SLC32A1: variants seen among roughly 807,000 people sequenced by gnomAD.
SLC32A1 encodes solute carrier family 32 member 1.
In SLC32A1, 8 loss-of-function variants were observed where a neutral mutation model predicts 35.5. The ratio of observed to expected loss-of-function variants is 0.23; its 90% CI spans 0.13 to 0.41. The LOEUF (loss-of-function observed/expected upper bound fraction) is 0.41, where lower values mean the gene tolerates loss of function less well. SLC32A1 is among the 10% of genes least tolerant of loss of function. The probability of loss-of-function intolerance (pLI) is 1.00; values close to 1 mark genes in which losing one functional copy is unlikely to be tolerated. For missense variants in SLC32A1, 493 were observed against 722.3 expected (o/e 0.68, Z 3.64); for synonymous variants, 317 against 326.3 (o/e 0.97, Z 0.31).
chr20:38,727,347 C>T, intron 1 of SLC32A1, 105 bp from the exon 2 acceptor site: 4 of 1,109,914 alleles, frequency 3.6e-6, no homozygotes, highest in Non-Finnish European at 5.2e-6. Context: ...TCTCAGTGTC[C>T]TTAGCGCCCC....
rs746056178 is a variant in SLC32A1, at chr20:38,727,646, C to T, written c.585C>T (p.Ala195=). 18 of 1,613,988 alleles carry T rather than the reference C, an allele frequency of 1.1e-5. No individual in the cohort carries two copies. The highest frequency in any genetic ancestry group is 1.4e-5 in the Non-Finnish European group (17 of 1,180,050). ...TGGCCATAGCCAACGCCTGCTGCGCCCCGCGCTTCCCAACGCTGGGCGGCC... is the reference window on the plus strand; with the variant it reads ...TGGCCATAGCCAACGCCTGCTGCGCTCCGCGCTTCCCAACGCTGGGCGGCC... ...SYVAIANACC[A]PRFPTLGGRV... Residue 195 remains alanine, a synonymous_variant, in exon 2 of 2, where the codon GCC becomes GCT. Transcript: ENST00000217420.
chr20:38,727,168 C>T (rs553428571), intron 1 of SLC32A1, among the ~76,000 whole-genome samples: 1 of 152,302 alleles, frequency 6.6e-6, no homozygotes, highest in East Asian at 1.9e-4. Flanking sequence ...CCCTCTCCCA[C>T]CCTAGCCCTC....
At chr20:38,727,260 C>T (rs1275233842) in intron 1 of SLC32A1, among the ~76,000 whole-genome samples, 192 bp from the exon 2 acceptor site, 2 of 152,128 alleles carry the variant, frequency 1.3e-5, no homozygotes, top group Non-Finnish European at 1.5e-5. Context: ...GCTCGACACC[C>T]GGGCTCACTA....
Position 38,728,339 on chromosome 20 carries a change from G to A in SLC32A1, c.1278G>A (p.Gly426=), listed in dbSNP as rs905290493. The change falls in exon 2 of 2, where the codon GGG becomes GGA. Residue 426 remains glycine, a synonymous_variant. Transcript: ENST00000217420. Reference sequence around the variant, plus strand: ...TCCCGGCCTGCTACAGCGGCGACGGGCGCCTGAAGTCCTGGGGGCTGACGC... The same window carrying A: ...TCCCGGCCTGCTACAGCGGCGACGGACGCCTGAAGTCCTGGGGGCTGACGC... ...AFFPACYSGD[G]RLKSWGLTLR... The A allele has an allele frequency of 2.5e-6, 4 of 1,613,014 alleles. No individual in the cohort carries two copies. Among genetic ancestry groups the A allele is most frequent in the Admixed American group, 3.3e-5 (2 of 59,986 alleles).
At chr20:38,725,965 C>A (rs1258766516) in intron 1 of SLC32A1, among the ~76,000 whole-genome samples, 2 of 152,210 alleles carry the variant, frequency 1.3e-5, no homozygotes, top group African/African-American at 4.8e-5. Context: ...AAAGAGGCGG[C>A]CAGCTCCTCC....
At chr20:38,725,255 A>C in intron 1 of SLC32A1, 141 bp downstream of exon 1, 1 of 1,120,038 alleles carries the variant, frequency 8.9e-7, no homozygotes. Flanking sequence ...CATCCCTCCC[A>C]GCCCTGCGCG....
intron 1 of SLC32A1, among the ~76,000 whole-genome samples, chr20:38,725,766 C>T (rs575611328): frequency 6.6e-6 from 1 of 152,364 alleles, no homozygotes; most frequent in East Asian, 1.9e-4. Flanking sequence ...AACATATGCA[C>T]ACACACATGC....
In SLC32A1 at chr20:38,724,920, G is replaced by A. The variant is rs2084268847; in HGVS notation, c.196G>A (p.Glu66Lys). 1 of 1,613,694 alleles carries A rather than the reference G, an allele frequency of 6.2e-7. No individual in the cohort carries two copies. The highest frequency in any genetic ancestry group is 8.5e-7 in the Non-Finnish European group (1 of 1,179,828). The change falls in exon 1 of 2, where the codon GAG (glutamate) becomes AAG (lysine). Residue 66 changes from glutamate to lysine, a missense_variant. Physicochemically the swap from Glu to Lys is moderately conservative, Grantham distance 56. This residue lies in a region of SLC32A1 where 133 missense variants were observed against 145.9 expected (regional missense o/e 0.91). Coordinates refer to ENST00000217420, the MANE Select transcript of SLC32A1 (RefSeq NM_080552.3). ...CCTGCAGATGGACATCCTGAAAGCC[G>A]AGGGAGAGCCCTGCGGGGACGAGGG... ...QGLQMDILKA[E>K]GEPCGDEGAE...
rs1017745950 is a variant in SLC32A1, at chr20:38,728,564, C to T, written c.1503C>T (p.Gly501=). ...FFDVAIFVIG[G]ICSVSGFVHS... is the part of the protein sequence containing the mutation. ...ACGTCGCCATCTTCGTCATCGGCGG[C>T]ATCTGCAGCGTGTCCGGCTTCGTGC... is the stretch of plus-strand genomic sequence containing the variant. The change falls in exon 2 of 2, where the codon GGC becomes GGT. Residue 501 remains glycine (G), a synonymous_variant. Coordinates refer to ENST00000217420, the MANE Select transcript of SLC32A1 (RefSeq NM_080552.3). 1.9e-6 allele frequency: 3 copies of T among 1,613,076 alleles called. No individual in the cohort carries two copies. The African/African-American group carries it at 4.0e-5, about 22-fold the overall frequency.
In SLC32A1 at chr20:38,725,046, T is replaced by C; in HGVS notation, c.322T>C (p.Phe108Leu). Reference sequence around the variant, plus strand: ...GGACCAGGTGGGAGGTGGTGGCGAATTCGGGGGCCACGACAAGCCCAAAAT... The same window carrying C: ...GGACCAGGTGGGAGGTGGTGGCGAACTCGGGGGCCACGACAAGCCCAAAAT... ...SKDQVGGGGE[F>L]GGHDKPKITA... Residue 108 changes from phenylalanine (F) to leucine (L), a missense_variant, in exon 1 of 2, where the codon TTC (phenylalanine) becomes CTC (leucine). Physicochemically the swap from Phe to Leu is conservative, Grantham distance 22. Around this residue, in one of 4 missense-constraint regions of SLC32A1, gnomAD observed 45 missense variants for 91.1 expected, o/e 0.49. Coordinates refer to ENST00000217420, the MANE Select transcript of SLC32A1 (RefSeq NM_080552.3). 1 of 1,530,870 alleles carries C rather than the reference T, an allele frequency of 6.5e-7. No individual in the cohort carries two copies. Among genetic ancestry groups the C allele is most frequent in the Non-Finnish European group, 8.8e-7 (1 of 1,141,028 alleles). The allele number at this position is 1,530,870 out of a possible 1,614,324, so 94.8% of individuals were successfully genotyped here.
At position 38,728,508 on chromosome 20, in the gene SLC32A1, C is replaced by T. The variant is rs547270146; in HGVS notation, c.1447C>T (p.Arg483Cys). 99 of 1,613,506 alleles carry T rather than the reference C, an allele frequency of 6.1e-5. No individual in the cohort carries two copies. The Middle Eastern group carries it at 9.9e-4, about 16-fold the overall frequency. Residue 483 changes from arginine to cysteine, a missense_variant, in exon 2 of 2, where the codon CGC becomes TGC. Physicochemically the swap from Arg to Cys is radical, Grantham distance 180. Transcript: ENST00000217420. ...PSLFHLRLLW[R>C]KLLWHQVFFD... ...CCTCTTTCACCTGCGCCTGCTCTGG[C>T]GCAAGCTGCTGTGGCACCAAGTCTT...
chr20:38,728,448 C>T lies in SLC32A1; in HGVS notation c.1387C>T (p.Leu463Phe). ...FALLMGLTGSLTGAGLCFLLP... is the reference protein window; with the variant it reads ...FALLMGLTGSFTGAGLCFLLP... ...GCTGCTCATGGGCCTCACCGGCAGC[C>T]TCACGGGCGCCGGCCTCTGTTTCTT... is the stretch of plus-strand genomic sequence containing the variant. Residue 463 changes from leucine to phenylalanine, a missense_variant, in exon 2 of 2, where the codon CTC becomes TTC. Transcript: ENST00000217420. 1 of 1,612,216 alleles carries T rather than the reference C, an allele frequency of 6.2e-7. No homozygotes were observed.
At position 38,727,890 on chromosome 20, in the gene SLC32A1, A is replaced by G; in HGVS notation, c.829A>G (p.Ile277Val). The G allele has an allele frequency of 6.2e-7, 1 of 1,614,208 alleles. No homozygotes were observed. The highest frequency in any genetic ancestry group is 1.3e-5 in the African/African-American group (1 of 75,062). ...SLLCTLAHFV[I>V]NILVIAYCLS... ...GCTGTGCACTCTGGCCCACTTCGTC[A>G]TCAATATCCTGGTCATAGCCTACTG... The change falls in exon 2 of 2, where the codon ATC becomes GTC. Residue 277 changes from isoleucine (I) to valine (V), a missense_variant. Physicochemically the swap from Ile to Val is conservative, Grantham distance 29. This residue lies in a region of SLC32A1 where 269 missense variants were observed against 445.6 expected (regional missense o/e 0.60). Transcript: ENST00000217420.
rs769633818 is a variant in SLC32A1 at position 38,728,247 on chromosome 20, C to T, written c.1186C>T (p.Leu396=). ...LVAKALLSYP[L]PFFAAVEVLE... is the part of the protein sequence containing the mutation. ...GGCCAAGGCGCTGTTGTCCTATCCT[C>T]TGCCATTCTTTGCCGCTGTCGAGGT... The change falls in exon 2 of 2, where the codon CTG becomes TTG. Residue 396 remains leucine, a synonymous_variant. Coordinates refer to ENST00000217420, the MANE Select transcript of SLC32A1 (RefSeq NM_080552.3). 2 of 1,614,136 alleles carry T rather than the reference C, an allele frequency of 1.2e-6. No homozygotes were observed. The highest frequency in any genetic ancestry group is 1.1e-5 in the South Asian group (1 of 91,088).
rs550081947 is a variant in SLC32A1 at position 38,725,962 on chromosome 20, C to A, written c.390+848C>A. Among the ~76,000 whole-genome samples, 7 of 152,306 alleles carry A rather than the reference C, an allele frequency of 4.6e-5. No homozygotes were observed. The South Asian group carries it at 1.4e-3, about 32-fold the overall frequency. ...AAATCCCGGCTGCACCGCAAAGAGG[C>A]GGCCAGCTCCTCCCCGTGTGACCCT... On this transcript the variant is annotated intron_variant, in intron 1 of 1. Coordinates refer to ENST00000217420, the MANE Select transcript of SLC32A1 (RefSeq NM_080552.3).
At chr20:38,727,383 C>A in intron 1 of SLC32A1, 69 bp from the exon 2 acceptor site, 1 of 1,460,462 alleles carries the variant, frequency 6.8e-7, no homozygotes, top group Non-Finnish European at 9.4e-7. Flanking sequence ...TTAAGCCACG[C>A]CCCCCGGGCC....
At position 38,727,919 on chromosome 20, in the gene SLC32A1, A is replaced by G. The variant is rs969831283; in HGVS notation, c.858A>G (p.Leu286=). ...ATATCCTGGTCATAGCCTACTGTCTATCGCGGGCGCGCGACTGGGCCTGGG... is the reference window on the plus strand; with the variant it reads ...ATATCCTGGTCATAGCCTACTGTCTGTCGCGGGCGCGCGACTGGGCCTGGG... ...VINILVIAYC[L]SRARDWAWEK... is the part of the protein sequence containing the mutation. The change falls in exon 2 of 2, where the codon CTA becomes CTG. Residue 286 remains leucine, a synonymous_variant. Coordinates refer to ENST00000217420, the MANE Select transcript of SLC32A1 (RefSeq NM_080552.3). 1.4e-5 allele frequency: 23 copies of G among 1,614,092 alleles called. No individual in the cohort carries two copies. Among genetic ancestry groups the G allele is most frequent in the Non-Finnish European group, 1.9e-5 (23 of 1,180,048 alleles).
At chr20:38,725,181 C>A in intron 1 of SLC32A1, 67 bp downstream of exon 1, 3 of 1,485,084 alleles carry the variant, frequency 2.0e-6, no homozygotes, top group Non-Finnish European at 2.7e-6. Flanking sequence ...GGCTCTGCCC[C>A]CGACAGTCGC....
Position 38,728,615 on chromosome 20 carries a change from C to T in SLC32A1, c.1554C>T (p.Ala518=), listed in dbSNP as rs1412287157. The change falls in exon 2 of 2, where the codon GCC becomes GCT. Residue 518 remains alanine (A), a synonymous_variant. Coordinates refer to ENST00000217420, the MANE Select transcript of SLC32A1 (RefSeq NM_080552.3). ...ACTCCCTCGAGGGCCTCATCGAAGC[C>T]TACCGAACCAACGCGGAGGACTAGG... The part of the protein sequence containing the change: ...FVHSLEGLIE[A]YRTNAED 2 of 1,609,130 alleles carry T rather than the reference C, an allele frequency of 1.2e-6. No individual in the cohort carries two copies. Among genetic ancestry groups the T allele is most frequent in the Non-Finnish European group, 1.7e-6 (2 of 1,178,320 alleles).
Sources: allele counts gnomAD v4.1 joint callset (sites outside exome capture counted in the v4.1 genomes callset), GRCh38; gene constraint gnomAD v4.1.1; regional missense constraint gnomAD v4.1.1; transcripts MANE v1.5; gene names NCBI Gene and HGNC (gene_info 2026-07-23, HGNC 2026-07-21).